The following STPG2 variants were observed in gnomAD, a reference collection of about 807,000 sequenced individuals.
STPG2 encodes the protein sperm tail PG-rich repeat containing 2.
STPG2 carries 56 observed loss-of-function variants against 54.2 expected under a neutral mutation model. The observed-to-expected ratio is 1.03, with a 90% CI of 0.83 to 1.29. STPG2 has a LOEUF of 1.29. Ranked by LOEUF, STPG2 falls within the 50% of genes most tolerant of loss-of-function variation. STPG2 has a pLI of 0.00. For missense variants in STPG2, 596 were observed against 544.9 expected (o/e 1.09, Z -0.93); for synonymous variants, 200 against 181.8 (o/e 1.10, Z -0.81).
intron 8 of STPG2, among the ~76,000 whole-genome samples, chr4:97,922,134 A>G (rs1358904849): frequency 6.6e-6 from 1 of 152,186 alleles, no homozygotes; most frequent in African/African-American, 2.4e-5. Context: ...TAGGTCATAT[A>G]CTTAAAAATT....
chr4:97,550,760 T>C (rs1219588390), intron 4 of STPG2, among the ~76,000 whole-genome samples: 1 of 152,164 alleles, frequency 6.6e-6, no homozygotes, highest in South Asian at 2.1e-4. Context: ...TTCCTTCTGG[T>C]GGGTTCGTGG....
intron 9 of STPG2, among the ~76,000 whole-genome samples, chr4:97,729,063 T>TTCTCTCTCTCTCCCTC (rs1724711759): frequency 8.0e-6 from 1 of 124,844 alleles, no homozygotes; most frequent in Non-Finnish European, 1.7e-5. Flanking sequence ...CCCCAAGAAT[T>TTCTCTCTCTCTCCCTC]TCTCTCTCTC....
chr4:97,598,580 G>C (rs1383536744), intron 10 of STPG2, among the ~76,000 whole-genome samples: 1 of 148,582 alleles, frequency 6.7e-6, no homozygotes, highest in Non-Finnish European at 1.5e-5. Flanking sequence ...CAGACATATA[G>C]AACAATGGAA....
intron 8 of STPG2, among the ~76,000 whole-genome samples, chr4:97,850,727 T>C (rs1477685009): frequency 2.0e-5 from 3 of 152,154 alleles, no homozygotes; most frequent in African/African-American, 7.2e-5. Context: ...TCTAGTAACT[T>C]CTATTTTCTT....
intron 7 of STPG2, among the ~76,000 whole-genome samples, chr4:97,954,988 G>T (rs1035602270): frequency 4.6e-5 from 7 of 152,086 alleles, no homozygotes; most frequent in East Asian, 1.9e-4. Context: ...AAATAGAAAA[G>T]AAATAGTTGA....
intron 8 of STPG2, among the ~76,000 whole-genome samples, chr4:97,882,028 C>A (rs1485619263): frequency 2.0e-5 from 3 of 152,046 alleles, no homozygotes; most frequent in Non-Finnish European, 4.4e-5. Flanking sequence ...CCCCTCCCCA[C>A]ACACACACAA....
chr4:98,098,137 T>C (rs1361585404), intron 5 of STPG2, among the ~76,000 whole-genome samples: 4 of 152,108 alleles, frequency 2.6e-5, no homozygotes, highest in African/African-American at 4.8e-5. Context: ...CTAAAATGTA[T>C]GTGGAATCAC....
intron 10 of STPG2, among the ~76,000 whole-genome samples, chr4:97,571,411 T>C (rs549700694): frequency 6.6e-6 from 1 of 152,082 alleles, no homozygotes; most frequent in Non-Finnish European, 1.5e-5. Context: ...CGTGCCTCAT[T>C]ATACCTCTAC....
At chr4:97,443,735 AG>A (rs1167361631) in intron 4 of STPG2, among the ~76,000 whole-genome samples, 1 of 152,178 alleles carries the variant, frequency 6.6e-6, no homozygotes, top group Admixed American at 6.5e-5. Flanking sequence ...TCCTCCCTGA[AG>A]GAAGAAAATA....
intron 9 of STPG2, among the ~76,000 whole-genome samples, chr4:97,761,640 G>A (rs1560517696): frequency 6.6e-6 from 1 of 152,270 alleles, no homozygotes; most frequent in East Asian, 1.9e-4. Context: ...CTGAGGATTA[G>A]AACATGGATA....
At chr4:97,639,087 A>G (rs1721670697) in intron 10 of STPG2, among the ~76,000 whole-genome samples, 1 of 152,114 alleles carries the variant, frequency 6.6e-6, no homozygotes. Flanking sequence ...AAAGACTTGG[A>G]ACCAACCCAA....
chr4:97,616,074 A>ATG (rs1453429839), intron 10 of STPG2, among the ~76,000 whole-genome samples: 4 of 79,524 alleles, frequency 5.0e-5, no homozygotes, highest in Non-Finnish European at 8.6e-5. Flanking sequence ...ATATATATAT[A>ATG]TATATATATA....
At chr4:97,942,418 T>C (rs1242214159) in intron 8 of STPG2, among the ~76,000 whole-genome samples, 5 of 152,024 alleles carry the variant, frequency 3.3e-5, no homozygotes, top group Non-Finnish European at 7.4e-5. Context: ...AAATAATCCA[T>C]TAAAACAGCA....
At chr4:98,072,733 C>T (rs1738044884) in intron 5 of STPG2, among the ~76,000 whole-genome samples, 1 of 152,120 alleles carries the variant, frequency 6.6e-6, no homozygotes, top group Admixed American at 6.5e-5. Flanking sequence ...GATCAGGAAA[C>T]CAGAGCCAAG....
intron 1 of STPG2, among the ~76,000 whole-genome samples, chr4:98,137,543 T>C (rs1740169195): frequency 6.6e-6 from 1 of 151,806 alleles, no homozygotes; most frequent in Non-Finnish European, 1.5e-5. Flanking sequence ...AAGTATTCTA[T>C]CTCACAATAA....
At chr4:97,443,813 C>T (rs1229075052) in intron 4 of STPG2, among the ~76,000 whole-genome samples, 1 of 152,074 alleles carries the variant, frequency 6.6e-6, no homozygotes, top group Non-Finnish European at 1.5e-5. Flanking sequence ...ATCAAACTTA[C>T]TAGGCATGTC....
At position 97,938,727 on chromosome 4, in the gene STPG2, C is replaced by T. The variant is rs115196442; in HGVS notation, c.1044+5170G>A. Among the ~76,000 whole-genome samples, 464 of 152,288 alleles carry T rather than the reference C, an allele frequency of 3.0e-3. 3 individuals are homozygous for T. The highest frequency in any genetic ancestry group is 0.011 in the African/African-American group (452 of 41,562). On this transcript the variant is annotated intron_variant, in intron 8 of 10. Coordinates refer to ENST00000295268, the MANE Select transcript of STPG2 (RefSeq NM_174952.3). ...TGGAGGTGCCCCTTACCCCATGTGG[C>T]TCTCAGGTGGGCCGACACACCACCC... is the stretch of plus-strand genomic sequence containing the variant.
At chr4:97,664,935 C>T (rs950744238) in intron 10 of STPG2, among the ~76,000 whole-genome samples, 1 of 152,110 alleles carries the variant, frequency 6.6e-6, no homozygotes, top group Admixed American at 6.5e-5. Flanking sequence ...GGTCCAGCCA[C>T]TGCACACAGG....
chr4:98,037,892 T>C (rs1050159913), intron 5 of STPG2, among the ~76,000 whole-genome samples: 9 of 152,006 alleles, frequency 5.9e-5, no homozygotes, highest in Non-Finnish European at 8.8e-5. Flanking sequence ...TTAACAAATA[T>C]GTACAAGACC....
Sources: allele counts gnomAD v4.1 joint callset (sites outside exome capture counted in the v4.1 genomes callset), GRCh38; gene constraint gnomAD v4.1.1; transcripts MANE v1.5; gene names NCBI Gene and HGNC (gene_info 2026-07-23, HGNC 2026-07-21).